TPH2: variants seen among roughly 807,000 people sequenced by gnomAD.
The protein encoded by TPH2 is tryptophan 5-hydroxylase 2.
In TPH2, 27 loss-of-function variants were observed where a neutral mutation model predicts 59.1. The observed-to-expected ratio is 0.46, with a 90% CI of 0.34 to 0.63. TPH2 has a LOEUF of 0.63. Among genes scored for constraint, TPH2 ranks in the 30% least tolerant of loss-of-function variants. The probability of loss-of-function intolerance (pLI) is 0.01; values close to 1 mark genes in which losing one functional copy is unlikely to be tolerated. For synonymous variants in TPH2, 220 were observed against 210.5 expected (o/e 1.05, Z -0.39); for missense variants, 523 against 588.3 (o/e 0.89, Z 1.15).
intron 7 of TPH2, among the ~76,000 whole-genome samples, chr12:71,992,844 T>G (rs1391384335): frequency 6.6e-6 from 1 of 152,242 alleles, no homozygotes; most frequent in African/African-American, 2.4e-5. Flanking sequence ...TTCTTTATTT[T>G]TCATTTCTTC....
At chr12:72,004,659 C>T (rs886712607) in intron 8 of TPH2, among the ~76,000 whole-genome samples, 4 of 152,156 alleles carry the variant, frequency 2.6e-5, no homozygotes, top group Non-Finnish European at 5.9e-5. Flanking sequence ...ATGGAGTAGG[C>T]TCTCAAAATC....
At chr12:72,031,481 G>A in intron 10 of TPH2, 40 bp from the exon 11 acceptor site, 1 of 1,612,980 alleles carries the variant, frequency 6.2e-7, no homozygotes, top group Non-Finnish European at 8.5e-7. Context: ...GTACCAATGA[G>A]GGTTGATCAC....
At chr12:71,976,836 A>C (rs985861793) in intron 6 of TPH2, among the ~76,000 whole-genome samples, 1 of 152,194 alleles carries the variant, frequency 6.6e-6, no homozygotes, top group Non-Finnish European at 1.5e-5. Context: ...GCGTTAAAGG[A>C]ATAGCCTTCC....
chr12:72,009,962 C>T (rs1287790521), intron 8 of TPH2, among the ~76,000 whole-genome samples: 2 of 152,198 alleles, frequency 1.3e-5, no homozygotes, highest in Non-Finnish European at 2.9e-5. Context: ...CTTAAATTTG[C>T]AGAAGTTACT....
At chr12:71,989,898 G>C (rs532875996) in intron 7 of TPH2, among the ~76,000 whole-genome samples, 3 of 151,148 alleles carry the variant, frequency 2.0e-5, no homozygotes, top group African/African-American at 7.3e-5. Context: ...GCTTATCAGA[G>C]AAGATTCCAA....
At chr12:72,028,785 A>T (rs1488159696) in intron 9 of TPH2, among the ~76,000 whole-genome samples, 1 of 152,172 alleles carries the variant, frequency 6.6e-6, no homozygotes, top group Non-Finnish European at 1.5e-5. Context: ...CAGACTCCTG[A>T]GGGTAGGCTG....
At position 72,032,168 on chromosome 12, in the gene TPH2, A is replaced by T. The variant is rs1873741459; in HGVS notation, c.*473A>T. 1 of 183,808 alleles carries T rather than the reference A, an allele frequency of 5.4e-6. No individual in the cohort carries two copies. Among genetic ancestry groups the T allele is most frequent in the African/African-American group, 2.4e-5 (1 of 42,298 alleles). The allele number at this position is 183,808 out of a possible 1,614,324, so 11.4% of individuals were successfully genotyped here. A position where few individuals can be genotyped will look rare whatever the true frequency, so the allele number is the denominator to read the frequency against. Reference sequence around the variant, plus strand: ...ATTGTAGGAAACTTCCCATCACAATAACAAAGGTTCAATATTCTATTTCAA... The same window carrying T: ...ATTGTAGGAAACTTCCCATCACAATTACAAAGGTTCAATATTCTATTTCAA... On this transcript the variant is annotated 3_prime_UTR_variant, in exon 11 of 11. Coordinates refer to ENST00000333850, the MANE Select transcript of TPH2 (RefSeq NM_173353.4).
chr12:71,982,289 C>T (rs2139211418), intron 7 of TPH2, among the ~76,000 whole-genome samples: 1 of 151,854 alleles, frequency 6.6e-6, no homozygotes, highest in East Asian at 1.9e-4. Context: ...ACAGGCCATT[C>T]ATTTGGTTTT....
At position 72,031,560 on chromosome 12, in the gene TPH2, C is replaced by T; in HGVS notation, c.1338C>T (p.Tyr446=). ...CAATTACCCGTCCCTTCTCAGTATA[C>T]TTCAATCCCTACACACAGAGTATTG... The part of the protein sequence containing the change: ...AKSITRPFSV[Y]FNPYTQSIEI... The change falls in exon 11 of 11, where the codon TAC becomes TAT. Residue 446 remains tyrosine (Y), a synonymous_variant. Coordinates refer to ENST00000333850, the MANE Select transcript of TPH2 (RefSeq NM_173353.4). 1 of 1,613,670 alleles carries T rather than the reference C, an allele frequency of 6.2e-7. No homozygotes were observed. The highest frequency in any genetic ancestry group is 1.1e-5 in the South Asian group (1 of 91,074).
intron 4 of TPH2, among the ~76,000 whole-genome samples, chr12:71,948,769 C>T (rs930601259): frequency 7.9e-5 from 12 of 152,170 alleles, no homozygotes; most frequent in African/African-American, 2.9e-4. Flanking sequence ...TCTGAGCTTC[C>T]AACAGCTAGA....
chr12:71,947,838 T>C (rs1871237179), intron 4 of TPH2, among the ~76,000 whole-genome samples: 1 of 152,054 alleles, frequency 6.6e-6, no homozygotes, highest in Non-Finnish European at 1.5e-5. Context: ...TTGGAAAAGG[T>C]GCAGGTGTTT....
chr12:72,005,764 T>C (rs553140036), intron 8 of TPH2, among the ~76,000 whole-genome samples: 17 of 152,332 alleles, frequency 1.1e-4, no homozygotes, highest in African/African-American at 3.6e-4. Context: ...TGCTTTTCCT[T>C]CTTTGTTTTG....
At chr12:71,955,934 C>T (rs571333580) in intron 5 of TPH2, among the ~76,000 whole-genome samples, 3 of 152,312 alleles carry the variant, frequency 2.0e-5, no homozygotes, top group Admixed American at 6.5e-5. Context: ...CATTTATTAT[C>T]TCACATAGTT....
intron 8 of TPH2, among the ~76,000 whole-genome samples, chr12:71,994,771 C>T (rs990780174): frequency 2.0e-5 from 3 of 152,024 alleles, no homozygotes; most frequent in Admixed American, 6.5e-5. Flanking sequence ...CATTCTTGTT[C>T]GGGGGTCAGC....
At chr12:71,985,245 C>T (rs376602316) in intron 7 of TPH2, among the ~76,000 whole-genome samples, 2 of 152,320 alleles carry the variant, frequency 1.3e-5, no homozygotes, top group East Asian at 3.9e-4. Context: ...GTAATGCCAG[C>T]ACCTGTGGCC....
intron 8 of TPH2, among the ~76,000 whole-genome samples, chr12:72,022,065 G>A (rs1209892900): frequency 6.6e-6 from 1 of 152,072 alleles, no homozygotes; most frequent in African/African-American, 2.4e-5. Flanking sequence ...ATAGCATATT[G>A]TTACGGAGGT....
intron 8 of TPH2, among the ~76,000 whole-genome samples, chr12:72,016,438 G>A (rs770232869): frequency 2.1e-4 from 32 of 152,160 alleles, no homozygotes; most frequent in Non-Finnish European, 4.1e-4. Context: ...ACTAAGCTTT[G>A]TTAGAACTGT....
At chr12:71,972,291 C>A (rs574246238) in intron 5 of TPH2, among the ~76,000 whole-genome samples, 1 of 152,094 alleles carries the variant, frequency 6.6e-6, no homozygotes, top group Non-Finnish European at 1.5e-5. Context: ...TCTAAGGATG[C>A]ATGAAGATAT....
intron 8 of TPH2, among the ~76,000 whole-genome samples, chr12:71,999,738 A>G (rs1056410224): frequency 5.3e-5 from 8 of 152,238 alleles, no homozygotes; most frequent in Admixed American, 1.3e-4. Context: ...TCCAAAACTA[A>G]AAGAAAACAA....
Sources: allele counts gnomAD v4.1 joint callset (sites outside exome capture counted in the v4.1 genomes callset), GRCh38; gene constraint gnomAD v4.1.1; transcripts MANE v1.5; gene names NCBI Gene and HGNC (gene_info 2026-07-23, HGNC 2026-07-21).